Variants in CPT1A observed in about 807,000 individuals in gnomAD.
The protein encoded by CPT1A is carnitine palmitoyltransferase 1A.
Under a neutral mutation model 100.8 loss-of-function variants are expected in CPT1A, and 64 were observed. That is an observed-to-expected ratio of 0.63 (90% CI 0.52 to 0.78). The LOEUF (loss-of-function observed/expected upper bound fraction) is 0.78. Ranked by LOEUF, CPT1A falls within the 30% of genes least tolerant of loss-of-function variation. The pLI, the probability that CPT1A is intolerant of heterozygous loss-of-function variation, is 0.00. For synonymous variants in CPT1A, 363 were observed against 396.0 expected, an observed-to-expected ratio of 0.92 and a Z score of 0.99; for missense variants, 802 against 1,034.1, an observed-to-expected ratio of 0.78 and a Z score of 3.08.
chr11:68,764,572 A>G (rs1464566600), intron 14 of CPT1A, among the ~76,000 whole-genome samples: 2 of 151,698 alleles, frequency 1.3e-5, no homozygotes, highest in African/African-American at 2.4e-5. Flanking sequence ...TGGGGAACGG[A>G]GAGTCAGACA....
intron 12 of CPT1A, among the ~76,000 whole-genome samples, chr11:68,777,061 C>T (rs935747453): frequency 7.9e-5 from 12 of 152,256 alleles, no homozygotes; most frequent in African/African-American, 1.9e-4. Flanking sequence ...AGCCAGCGAA[C>T]GAACAGACTT....
At chr11:68,763,309 C>A (rs1028135393) in intron 14 of CPT1A, among the ~76,000 whole-genome samples, 5 of 151,496 alleles carry the variant, frequency 3.3e-5, no homozygotes, top group East Asian at 1.9e-4. Context: ...CTATGACACC[C>A]CCCCCACCCC....
intron 1 of CPT1A, among the ~76,000 whole-genome samples, chr11:68,828,785 C>A (rs1856808082): frequency 6.6e-6 from 1 of 152,216 alleles, no homozygotes; most frequent in South Asian, 2.1e-4. Context: ...CCACATCCCA[C>A]TCACGGTGTA....
At chr11:68,840,568 T>C (rs1857134147) in intron 1 of CPT1A, among the ~76,000 whole-genome samples, 1 of 152,232 alleles carries the variant, frequency 6.6e-6, no homozygotes, top group Admixed American at 6.5e-5. Context: ...ACCGAAAGCC[T>C]GTGCCGAGTT....
intron 1 of CPT1A, among the ~76,000 whole-genome samples, chr11:68,816,952 G>GGTGTGTATGGT (rs2154001516): frequency 8.4e-6 from 1 of 118,864 alleles, no homozygotes; most frequent in African/African-American, 3.2e-5. Context: ...GAGTGTGTGT[G>GGTGTGTATGGT]GTGTGTATGG....
At chr11:68,798,436 C>T (rs4930248) in intron 6 of CPT1A, among the ~76,000 whole-genome samples, 75,982 of 152,000 alleles carry the variant, frequency 0.5, 21,146 homozygotes, top group East Asian at 0.73. Flanking sequence ...CTGTCAGGGT[C>T]GCTTTGGACA....
In CPT1A at chr11:68,755,470, AGCGATCTCG is replaced by A. The variant is rs1946673033; in HGVS notation, c.*2165_*2173del. On this transcript the variant is annotated 3_prime_UTR_variant, in exon 19 of 19. Coordinates refer to ENST00000265641, the MANE Select transcript of CPT1A (RefSeq NM_001876.4). The stretch of plus-strand genomic sequence containing the variant: ...TGTCGCCCAGGCTGGAGTGCAGTGG[AGCGATCTCG>A]GCTCACTGCAAGCTCCGCCTCCCGG... The A allele has an allele frequency of 6.5e-6, 1 of 152,684 alleles. No homozygotes were observed. The highest frequency in any genetic ancestry group is 2.4e-5 in the African/African-American group (1 of 41,188). The allele number at this position is 152,684 out of a possible 1,614,324, so 9.5% of individuals were successfully genotyped here.
intron 12 of CPT1A, 26 bp from the exon 13 acceptor site, chr11:68,775,458 A>T (rs780249142): frequency 5.2e-6 from 8 of 1,528,272 alleles, no homozygotes. Context: ...CAAAATTATT[A>T]AAACTAACAG....
chr11:68,803,490 C>T (rs1422843752), intron 5 of CPT1A, among the ~76,000 whole-genome samples: 1 of 152,028 alleles, frequency 6.6e-6, no homozygotes, highest in Non-Finnish European at 1.5e-5. Flanking sequence ...GCGGGTGGAT[C>T]ACTTGAGGTC....
intron 1 of CPT1A, among the ~76,000 whole-genome samples, chr11:68,820,254 A>G (rs1248192974): frequency 6.6e-6 from 1 of 151,378 alleles, no homozygotes; most frequent in African/African-American, 2.4e-5. Context: ...CTGGTCTCGA[A>G]CTCCTGGACT....
In CPT1A at chr11:68,761,723, T is replaced by C. The variant is rs375772891; in HGVS notation, c.1876-36A>G. On this transcript the variant is annotated intron_variant, in intron 15 of 18. Coordinates refer to ENST00000265641, the MANE Select transcript of CPT1A (RefSeq NM_001876.4). ...AAAGGTGGGAAGGACATATGTTGCA[T>C]GTCTCAAGTTGAGCAGTTACGGATC... 1.4e-5 allele frequency: 23 copies of C among 1,613,114 alleles called. No homozygotes were observed. In the African/African-American group the frequency reaches 2.4e-4, roughly 17 times the overall value.
chr11:68,839,141 T>C (rs1566395372), intron 1 of CPT1A, among the ~76,000 whole-genome samples: 1 of 152,132 alleles, frequency 6.6e-6, no homozygotes, highest in African/African-American at 2.4e-5. Context: ...ATAATAACCA[T>C]GCAGAGTGAC....
At chr11:68,764,020 G>A (rs891658973) in intron 14 of CPT1A, among the ~76,000 whole-genome samples, 1 of 152,202 alleles carries the variant, frequency 6.6e-6, no homozygotes, top group African/African-American at 2.4e-5. Flanking sequence ...GTCAAGGAAC[G>A]TGGGCATCTG....
chr11:68,778,083 T>C (rs769011741), intron 12 of CPT1A, among the ~76,000 whole-genome samples: 20 of 150,738 alleles, frequency 1.3e-4, no homozygotes, highest in Non-Finnish European at 1.6e-4. Flanking sequence ...TAGAGCACTA[T>C]GTTTTTTTTT....
chr11:68,760,145 A>T, intron 17 of CPT1A, 80 bp downstream of exon 17: 1 of 981,092 alleles, frequency 1.0e-6, no homozygotes, highest in Non-Finnish European at 1.6e-6. Flanking sequence ...GGCACCCAGC[A>T]CGGAGATGGG....
In CPT1A at chr11:68,812,290, A is replaced by T. The variant is rs2154001145; in HGVS notation, c.281+147T>A. 4.3e-6 allele frequency: 5 copies of T among 1,159,696 alleles called. No individual in the cohort carries two copies. In the South Asian group the frequency reaches 6.2e-5, roughly 14 times the overall value. The allele number at this position is 1,159,696 out of a possible 1,614,324, so 71.8% of individuals were successfully genotyped here. The stretch of plus-strand genomic sequence containing the variant: ...TAGGGGGACCTTAACAGCACCCAGG[A>T]GACAGGAAGAAAGCTGACGTGAGAA... On this transcript the variant is annotated intron_variant, in intron 3 of 18. Transcript: ENST00000265641.
chr11:68,823,280 T>C (rs2924695), intron 1 of CPT1A, among the ~76,000 whole-genome samples: 16,747 of 151,960 alleles, frequency 0.11, 2,517 homozygotes, highest in African/African-American at 0.34. Flanking sequence ...GAAGTGTACA[T>C]TTTAGATGGG....
chr11:68,773,599 T>C, intron 13 of CPT1A, 170 bp from the exon 14 acceptor site: 1 of 1,240,724 alleles, frequency 8.1e-7, no homozygotes, highest in Non-Finnish European at 1.1e-6. Flanking sequence ...CATGGCTCCC[T>C]GACCCCGGAG....
intron 14 of CPT1A, among the ~76,000 whole-genome samples, chr11:68,772,826 C>T (rs563935510): frequency 2.6e-5 from 4 of 152,078 alleles, no homozygotes; most frequent in South Asian, 2.1e-4. Flanking sequence ...AAGCAGAGAG[C>T]GACAGATGAA....
Sources: allele counts gnomAD v4.1 joint callset (sites outside exome capture counted in the v4.1 genomes callset), GRCh38; gene constraint gnomAD v4.1.1; transcripts MANE v1.5; gene names NCBI Gene and HGNC (gene_info 2026-07-23, HGNC 2026-07-21).